The following PRR5L variants were observed in gnomAD, a reference collection of about 807,000 sequenced individuals.
The protein encoded by PRR5L is proline-rich protein 5-like.
In PRR5L, 21 loss-of-function variants were observed where a neutral mutation model predicts 36.4. The observed-to-expected ratio is 0.58, with a 90% CI of 0.41 to 0.83. PRR5L has a LOEUF of 0.83. PRR5L is among the 40% of genes least tolerant of loss of function. The pLI, the probability that PRR5L is intolerant of heterozygous loss-of-function variation, is 0.00. For synonymous variants in PRR5L, 188 were observed against 197.0 expected (o/e 0.95, Z 0.38); for missense variants, 381 against 473.3 (o/e 0.80, Z 1.81).
At chr11:36,448,688 G>A (rs1398039162) in intron 7 of PRR5L, among the ~76,000 whole-genome samples, 7 of 152,288 alleles carry the variant, frequency 4.6e-5, no homozygotes, top group South Asian at 4.1e-4. Context: ...GTTGGTGACC[G>A]TCATGTAGGG....
intron 1 of PRR5L, among the ~76,000 whole-genome samples, chr11:36,355,396 C>G (rs1197818890): frequency 2.0e-5 from 3 of 152,118 alleles, no homozygotes; most frequent in South Asian, 2.1e-4. Flanking sequence ...TGCACTTTCA[C>G]CAAGACTCTG....
chr11:36,407,941 C>G (rs1316333085), intron 3 of PRR5L, among the ~76,000 whole-genome samples: 2 of 152,284 alleles, frequency 1.3e-5, no homozygotes, highest in East Asian at 3.9e-4. Context: ...TTCTAAAACA[C>G]AGTATTGGAT....
At chr11:36,352,570 T>TTGTAGGC (rs1856986767) in intron 1 of PRR5L, among the ~76,000 whole-genome samples, 2 of 152,204 alleles carry the variant, frequency 1.3e-5, no homozygotes, top group Non-Finnish European at 2.9e-5. Context: ...ACAACTTGCC[T>TTGTAGGC]ACAGGAGTAA....
At chr11:36,392,391 A>G (rs903850627) in intron 1 of PRR5L, among the ~76,000 whole-genome samples, 1 of 152,208 alleles carries the variant, frequency 6.6e-6, no homozygotes, top group East Asian at 1.9e-4. Context: ...AGGTACCTCC[A>G]AACTGTTCTC....
At position 36,403,359 on chromosome 11, in the gene PRR5L, G is replaced by T. The variant is rs752879386; in HGVS notation, c.226G>T (p.Ala76Ser). The change falls in exon 3 of 9, where the codon GCC becomes TCC. Residue 76 changes from alanine to serine, a missense_variant. Ala to Ser is a moderately conservative substitution (Grantham distance 99, BLOSUM62 1). Coordinates refer to ENST00000530639, the MANE Select transcript of PRR5L (RefSeq NM_001160167.2). ...TGGCTTGCAAAGCAACGAGCTCTAT[G>T]CCCTGAACGAAAACATCAGGTATGT... ...GGGLQSNELYALNENIRRLLK... is the reference protein window; with the variant it reads ...GGGLQSNELYSLNENIRRLLK... 6.0e-5 allele frequency: 97 copies of T among 1,613,952 alleles called. No individual in the cohort carries two copies. The highest frequency in any genetic ancestry group is 7.6e-5 in the Non-Finnish European group (90 of 1,179,990).
chr11:36,341,455 C>T (rs1201436652), intron 1 of PRR5L, among the ~76,000 whole-genome samples: 1 of 152,114 alleles, frequency 6.6e-6, no homozygotes, highest in East Asian at 1.9e-4. Flanking sequence ...CTCTAGCATA[C>T]ATAGTTAAGA....
chr11:36,402,916 A>G (rs961325895), intron 2 of PRR5L, among the ~76,000 whole-genome samples: 1 of 152,244 alleles, frequency 6.6e-6, no homozygotes, highest in Admixed American at 6.5e-5. Flanking sequence ...CCCTGTGAAG[A>G]CAGTGGCTGT....
At chr11:36,346,450 G>A (rs756557174) in intron 1 of PRR5L, among the ~76,000 whole-genome samples, 16 of 152,112 alleles carry the variant, frequency 1.1e-4, no homozygotes, top group Non-Finnish European at 2.1e-4. Flanking sequence ...GGGCGTGGTG[G>A]CAGGAGTCTG....
At chr11:36,361,016 T>C (rs1288140219) in intron 1 of PRR5L, among the ~76,000 whole-genome samples, 1 of 152,230 alleles carries the variant, frequency 6.6e-6, no homozygotes, top group African/African-American at 2.4e-5. Flanking sequence ...CTTGAAATGC[T>C]TTATAACTTT....
chr11:36,418,507 A>T (rs1192165593), intron 3 of PRR5L, among the ~76,000 whole-genome samples: 1 of 152,176 alleles, frequency 6.6e-6, no homozygotes, highest in African/African-American at 2.4e-5. Context: ...AGGAAGAATA[A>T]TAATTACTAC....
chr11:36,351,454 TATTTATATATTTATATATAC>T (rs1856950996), intron 1 of PRR5L, among the ~76,000 whole-genome samples: 1 of 50,344 alleles, frequency 2.0e-5, no homozygotes, highest in South Asian at 8.7e-4. Context: ...TATATTTATA[TATTTATATATTTATATATAC>T]ATATATATTT....
chr11:36,335,162 T>A (rs540990991), intron 1 of PRR5L, among the ~76,000 whole-genome samples: 1 of 152,042 alleles, frequency 6.6e-6, no homozygotes, highest in African/African-American at 2.4e-5. Flanking sequence ...TGATGGCTCA[T>A]TGTGGCCTCG....
intron 1 of PRR5L, among the ~76,000 whole-genome samples, chr11:36,381,451 T>A (rs1395892062): frequency 4.4e-5 from 1 of 22,762 alleles, no homozygotes; most frequent in African/African-American, 1.7e-4. Context: ...AGGGTAGGGG[T>A]GGGTGGGGAG....
At chr11:36,369,215 G>T (rs1473576776) in intron 1 of PRR5L, among the ~76,000 whole-genome samples, 1 of 152,172 alleles carries the variant, frequency 6.6e-6, no homozygotes, top group African/African-American at 2.4e-5. Flanking sequence ...GCATAAGGTG[G>T]CCAGTCCTGA....
At chr11:36,336,781 C>T (rs1048767715) in intron 1 of PRR5L, among the ~76,000 whole-genome samples, 5 of 152,190 alleles carry the variant, frequency 3.3e-5, no homozygotes, top group African/African-American at 1.2e-4. Flanking sequence ...TGCATGCCAC[C>T]TGTAATACAC....
intron 1 of PRR5L, among the ~76,000 whole-genome samples, chr11:36,342,432 C>T (rs565881740): frequency 3.3e-5 from 5 of 152,074 alleles, no homozygotes; most frequent in East Asian, 3.9e-4. Context: ...GAAATGACTT[C>T]GAGAAATCCC....
At chr11:36,402,294 A>G (rs1857813464) in intron 2 of PRR5L, among the ~76,000 whole-genome samples, 1 of 152,114 alleles carries the variant, frequency 6.6e-6, no homozygotes, top group Non-Finnish European at 1.5e-5. Context: ...CCCAGGCTGG[A>G]GTGCAGTGGT....
chr11:36,372,756 G>A (rs1203202062), intron 1 of PRR5L, among the ~76,000 whole-genome samples: 1 of 152,178 alleles, frequency 6.6e-6, no homozygotes, highest in African/African-American at 2.4e-5. Context: ...AATGATGCCA[G>A]GTCCCCTAGG....
At chr11:36,395,644 G>GA in intron 1 of PRR5L, among the ~76,000 whole-genome samples, 1 of 152,278 alleles carries the variant, frequency 6.6e-6, no homozygotes, top group East Asian at 1.9e-4. Flanking sequence ...GCTATTATCA[G>GA]AAAAATAGGG....
Sources: gnomAD v4.1 joint callset for allele counts (sites outside exome capture counted in the v4.1 genomes callset) on GRCh38, gnomAD v4.1.1 for gene constraint, MANE v1.5 for transcripts, NCBI Gene and HGNC (gene_info 2026-07-23, HGNC 2026-07-21) for gene names.